Variants in IQCM observed in about 807,000 individuals in gnomAD.
The protein encoded by IQCM is IQ motif containing M, also known as IQ domain-containing protein M.
A neutral mutation model predicts 57.6 loss-of-function variants in IQCM; 45 were observed. That is an observed-to-expected ratio of 0.78 (90% CI 0.62 to 1.00). The LOEUF (loss-of-function observed/expected upper bound fraction) is 1.00, where lower values mean the gene tolerates loss of function less well. Ranked by LOEUF, IQCM falls within the 50% of genes least tolerant of loss-of-function variation. The pLI is 0.00. For synonymous variants in IQCM, 148 were observed against 158.9 expected (o/e 0.93, Z 0.51); for missense variants, 468 against 511.6 (o/e 0.91, Z 0.82).
At chr4:149,740,016 A>G (rs1580171550) in intron 3 of IQCM, among the ~76,000 whole-genome samples, 2 of 152,222 alleles carry the variant, frequency 1.3e-5, no homozygotes. Context: ...TCTCTTAATT[A>G]GAATTGTTGA....
chr4:149,706,121 G>A (rs1030947406), intron 5 of IQCM, among the ~76,000 whole-genome samples: 2 of 151,908 alleles, frequency 1.3e-5, no homozygotes, highest in Admixed American at 6.6e-5. Flanking sequence ...CAGTGGACTA[G>A]GAGTATGCAA....
intron 13 of IQCM, among the ~76,000 whole-genome samples, chr4:149,427,694 G>A (rs1017307022): frequency 2.0e-4 from 30 of 151,902 alleles, no homozygotes; most frequent in African/African-American, 7.0e-4. Context: ...TATAGCAAGT[G>A]TTGAAAGTTT....
At chr4:149,783,345 T>C (rs1374584049) in intron 2 of IQCM, among the ~76,000 whole-genome samples, 1 of 152,220 alleles carries the variant, frequency 6.6e-6, no homozygotes, top group Admixed American at 6.5e-5. Context: ...TCTTTAGTAT[T>C]AACAAACGCT....
At chr4:149,799,872 CA>C (rs924647285) in intron 2 of IQCM, among the ~76,000 whole-genome samples, 80 of 142,878 alleles carry the variant, frequency 5.6e-4, no homozygotes, top group Non-Finnish European at 9.3e-4. Context: ...AACAAAAAAA[CA>C]AAAAAAAACC....
intron 12 of IQCM, among the ~76,000 whole-genome samples, chr4:149,443,666 A>C (rs1229175532): frequency 7.5e-5 from 3 of 40,004 alleles, no homozygotes; most frequent in Non-Finnish European, 1.1e-4. Flanking sequence ...ATGGTAAAGA[A>C]AGGAAAGGAA....
chr4:149,659,202 G>C (rs1289869982), intron 7 of IQCM, among the ~76,000 whole-genome samples: 3 of 151,902 alleles, frequency 2.0e-5, no homozygotes, highest in South Asian at 4.1e-4. Flanking sequence ...GACAAACAGA[G>C]AGCCAAATCA....
intron 12 of IQCM, among the ~76,000 whole-genome samples, chr4:149,469,108 A>G (rs1363861236): frequency 3.3e-5 from 5 of 152,220 alleles, no homozygotes; most frequent in Non-Finnish European, 5.9e-5. Context: ...AATGGAACAA[A>G]GGTGGACAGA....
intron 13 of IQCM, among the ~76,000 whole-genome samples, chr4:149,359,594 T>G (rs562280775): frequency 2.0e-5 from 3 of 152,176 alleles, no homozygotes; most frequent in Non-Finnish European, 4.4e-5. Flanking sequence ...GTTCAAATAA[T>G]AGATAATATG....
At chr4:149,458,536 T>C (rs946306734) in intron 12 of IQCM, among the ~76,000 whole-genome samples, 1 of 151,990 alleles carries the variant, frequency 6.6e-6, no homozygotes, top group East Asian at 1.9e-4. Context: ...ATGCCAATCT[T>C]TTAAAATTAA....
intron 12 of IQCM, among the ~76,000 whole-genome samples, chr4:149,481,716 T>TTTTTG: frequency 7.2e-6 from 1 of 138,646 alleles, no homozygotes; most frequent in African/African-American, 2.7e-5. Context: ...TTTTTTTTTT[T>TTTTTG]TTTTTTGCTT....
At chr4:149,678,845 C>A (rs528000318) in intron 7 of IQCM, among the ~76,000 whole-genome samples, 1 of 151,528 alleles carries the variant, frequency 6.6e-6, no homozygotes, top group East Asian at 1.9e-4. Flanking sequence ...TGATATTACC[C>A]CAGTTAAAAA....
rs140170717 is a variant in IQCM, at chr4:149,706,920, G to A, written c.386-20452C>T. The stretch of plus-strand genomic sequence containing the variant: ...CAATTCTACAGTTCTAAGATAACAG[G>A]CAATTTCATTGTTTTGAGTCTATTT... On this transcript the variant is annotated intron_variant, in intron 5 of 13. Coordinates refer to ENST00000636793, the MANE Select transcript of IQCM (RefSeq NM_001363507.2). Among the ~76,000 whole-genome samples, 272 of 152,014 alleles carry A rather than the reference G, an allele frequency of 1.8e-3. 1 individual carries two copies. Among genetic ancestry groups the A allele is most frequent in the African/African-American group, 6.4e-3 (267 of 41,504 alleles).
chr4:149,742,239 CA>C (rs1353904299), intron 3 of IQCM, among the ~76,000 whole-genome samples: 1 of 151,980 alleles, frequency 6.6e-6, no homozygotes, highest in Non-Finnish European at 1.5e-5. Flanking sequence ...AAATTTTTAT[CA>C]GAACTACTTA....
intron 12 of IQCM, among the ~76,000 whole-genome samples, chr4:149,446,836 A>G (rs1397759883): frequency 6.6e-6 from 1 of 151,620 alleles, no homozygotes; most frequent in Non-Finnish European, 1.5e-5. Context: ...AAGATGGCTT[A>G]TATTTTACAT....
At chr4:149,424,692 A>G (rs1476906269) in intron 13 of IQCM, among the ~76,000 whole-genome samples, 7 of 151,904 alleles carry the variant, frequency 4.6e-5, no homozygotes, top group Non-Finnish European at 7.4e-5. Flanking sequence ...CAAATATTCA[A>G]TGACATAACT....
At chr4:149,685,090 A>G (rs1762456034) in intron 6 of IQCM, among the ~76,000 whole-genome samples, 1 of 151,562 alleles carries the variant, frequency 6.6e-6, no homozygotes, top group Non-Finnish European at 1.5e-5. Context: ...TAAGAAAGAC[A>G]TTATACTGAA....
At chr4:149,588,870 A>G (rs1005809197) in intron 8 of IQCM, among the ~76,000 whole-genome samples, 1 of 151,990 alleles carries the variant, frequency 6.6e-6, no homozygotes, top group African/African-American at 2.4e-5. Context: ...TCTGTAACAA[A>G]GCAAGCTTAT....
At chr4:149,573,826 G>T (rs565766186) in intron 9 of IQCM, among the ~76,000 whole-genome samples, 9 of 151,656 alleles carry the variant, frequency 5.9e-5, no homozygotes, top group Non-Finnish European at 1.0e-4. Context: ...TTATTATTCT[G>T]ATTTTATAAA....
intron 2 of IQCM, among the ~76,000 whole-genome samples, chr4:149,771,536 A>G (rs1347006652): frequency 6.6e-6 from 1 of 152,128 alleles, no homozygotes; most frequent in Non-Finnish European, 1.5e-5. Context: ...GGAAAGACTT[A>G]AAAGACTAAT....
Sources: allele counts gnomAD v4.1 joint callset (sites outside exome capture counted in the v4.1 genomes callset), GRCh38; gene constraint gnomAD v4.1.1; transcripts MANE v1.5; gene names NCBI Gene and HGNC (gene_info 2026-07-23, HGNC 2026-07-21).